Variants in NSD1 observed in about 807,000 individuals in gnomAD.
The protein encoded by NSD1 is histone-lysine N-methyltransferase, H3 lysine-36 specific.
NSD1 carries 26 observed loss-of-function variants against 242.7 expected under a neutral mutation model. The observed-to-expected ratio is 0.11, with a 90% CI of 0.08 to 0.15. NSD1 has a LOEUF of 0.15. Among genes scored for constraint, NSD1 ranks in the 10% least tolerant of loss-of-function variants. The pLI, the probability that NSD1 is intolerant of heterozygous loss-of-function variation, is 1.00. For missense variants in NSD1, 2,495 were observed against 3,272.8 expected (o/e 0.76, Z 5.80); for synonymous variants, 1,106 against 1,178.1 (o/e 0.94, Z 1.25).
rs1246415647 is a variant in NSD1, at chr5:177,269,846, C to G, written c.5509+39C>G. 2.6e-6 allele frequency: 4 copies of G among 1,527,960 alleles called. No homozygotes were observed. In the East Asian group the frequency reaches 9.0e-5, roughly 34 times the overall value. The allele number at this position is 1,527,960 out of a possible 1,614,324, so 94.7% of individuals were successfully genotyped here. ...TTTTGTTTCTCAGGCAAACACAGAC[C>G]TCTGTTACCTGAGTGTCTGATCTGT... On this transcript the variant is annotated intron_variant, in intron 16 of 22. Transcript: ENST00000439151. The surrounding 1 kb of genome is among the most constrained non-coding windows in gnomAD (Gnocchi z 5.1).
chr5:177,182,947 G>GT (rs201520603), intron 2 of NSD1, among the ~76,000 whole-genome samples: 2,792 of 151,932 alleles, frequency 0.018, 33 homozygotes, highest in Non-Finnish European at 0.028. Context: ...CTCTTTTTTT[G>GT]TTTTTTTAAG....
rs770697984 is a variant in NSD1, at chr5:177,294,482, C to T, written c.7114C>T (p.Pro2372Ser). ...ATCCATAGGTGCTGCCAGCCCAAGGCCCCAGTCACTGGAGAAAACCTCAGT... is the reference window on the plus strand; with the variant it reads ...ATCCATAGGTGCTGCCAGCCCAAGGTCCCAGTCACTGGAGAAAACCTCAGT... ...DKSIGAASPRPQSLEKTSVPT... is the reference protein window; with the variant it reads ...DKSIGAASPRSQSLEKTSVPT... Residue 2372 changes from proline (P) to serine (S), a missense_variant, in exon 23 of 23, where the codon CCC becomes TCC. Physicochemically the swap from Pro to Ser is moderately conservative, Grantham distance 74. Transcript: ENST00000439151. 2 of 1,614,200 alleles carry T rather than the reference C, an allele frequency of 1.2e-6. No individual in the cohort carries two copies. Among genetic ancestry groups the T allele is most frequent in the East Asian group, 2.2e-5 (1 of 44,880 alleles).
In NSD1 at chr5:177,218,074, C is replaced by T. The variant is rs55668812; in HGVS notation, c.3796+5879C>T. On this transcript the variant is annotated intron_variant, in intron 5 of 22. Transcript: ENST00000439151. ...ACTACAGCCATGCACCACCATACTCCGCTGATTTTTAACCTTTTTGTACAG... is the reference window on the plus strand; with the variant it reads ...ACTACAGCCATGCACCACCATACTCTGCTGATTTTTAACCTTTTTGTACAG... Among the ~76,000 whole-genome samples, 244 of 152,062 alleles carry T rather than the reference C, an allele frequency of 1.6e-3. 5 individuals are homozygous for T. Among genetic ancestry groups the T allele is most frequent in the Non-Finnish European group, 1.5e-3 (105 of 68,000 alleles).
At chr5:177,213,616 C>T (rs1763532383) in intron 5 of NSD1, among the ~76,000 whole-genome samples, 3 of 152,158 alleles carry the variant, frequency 2.0e-5, no homozygotes, top group South Asian at 2.1e-4. Flanking sequence ...TACAGGCGCC[C>T]GCCACCACAC....
At chr5:177,157,053 G>A (rs1225565276) in intron 2 of NSD1, among the ~76,000 whole-genome samples, 1 of 152,012 alleles carries the variant, frequency 6.6e-6, no homozygotes, top group Non-Finnish European at 1.5e-5. Context: ...ATAAATAAAT[G>A]TATACTAATT....
rs1205215715 is a variant in NSD1 at position 177,299,701 on chromosome 5, C to T, written c.*4242C>T. The T allele has an allele frequency of 1.3e-5, 3 of 233,314 alleles. No homozygotes were observed. The highest frequency in any genetic ancestry group is 6.6e-5 in the African/African-American group (3 of 45,470). The allele number at this position is 233,314 out of a possible 1,614,324, so 14.5% of individuals were successfully genotyped here. A position where few individuals can be genotyped will look rare whatever the true frequency, so the allele number is the denominator to read the frequency against. On this transcript the variant is annotated 3_prime_UTR_variant, in exon 23 of 23. Coordinates refer to ENST00000439151, the MANE Select transcript of NSD1 (RefSeq NM_022455.5). ...GTGGTTCCTTCTCTAGAGCTGCTTT[C>T]CCATGGCTTTCAAAACATCAGGTTA...
Position 177,191,870 on chromosome 5 carries a change from T to C in NSD1, c.928-14T>C, listed in dbSNP as rs752196837. ...TTGATTCTTATTGATGCCCCATGTT[T>C]TGTCTGTCTAAAGTGTCAACCTAAG... On this transcript the variant is annotated splice_polypyrimidine_tract_variant and intron_variant, in intron 2 of 22. Transcript: ENST00000439151. 1.9e-6 allele frequency: 3 copies of C among 1,613,792 alleles called. No homozygotes were observed. The highest frequency in any genetic ancestry group is 1.7e-5 in the Admixed American group (1 of 60,032).
rs2149755620 is a variant in NSD1, at chr5:177,135,332, G to C, written c.229G>C (p.Asp77His). 6.2e-7 allele frequency: 1 copy of C among 1,612,590 alleles called. No individual in the cohort carries two copies. The highest frequency in any genetic ancestry group is 8.5e-7 in the Non-Finnish European group (1 of 1,178,644). ...SCYIPLRRLQDLASMINVEYL... is the reference protein window; with the variant it reads ...SCYIPLRRLQHLASMINVEYL... ...TTACATTCCACTGCGGAGACTACAG[G>C]ATTTGGCCTCCATGATCAATGTAGA... Residue 77 changes from aspartate (D) to histidine (H), a missense_variant, in exon 2 of 23, where the codon GAT becomes CAT. Asp to His is a moderately conservative substitution (Grantham distance 81). Transcript: ENST00000439151.
chr5:177,207,819 T>C (rs1240125560), intron 4 of NSD1, among the ~76,000 whole-genome samples: 2 of 151,986 alleles, frequency 1.3e-5, no homozygotes, highest in Admixed American at 6.6e-5. Context: ...TTCGGCACAC[T>C]GCAACTTTCA....
chr5:177,291,934 G>A lies in NSD1; in HGVS notation c.6259-20G>A, dbSNP rs369478260. ...CTAATGTGTTCACAGAATGCTGACT[G>A]TTCAATATCTGACCTGTAGAATCAA... On this transcript the variant is annotated intron_variant, in intron 21 of 22. Coordinates refer to ENST00000439151, the MANE Select transcript of NSD1 (RefSeq NM_022455.5). 38 of 1,610,330 alleles carry A rather than the reference G, an allele frequency of 2.4e-5. No homozygotes were observed. The highest frequency in any genetic ancestry group is 2.9e-5 in the Non-Finnish European group (34 of 1,177,548).
Position 177,176,264 on chromosome 5 carries a change from C to CT in NSD1, c.928-15608dup, listed in dbSNP as rs112019724. Among the ~76,000 whole-genome samples the CT allele has an allele frequency of 2.8e-3, 401 of 143,212 alleles. 1 individual carries two copies. The highest frequency in any genetic ancestry group is 7.1e-3 in the African/African-American group (280 of 39,316). The allele number at this position is 143,212 out of a possible 152,430, so 94.0% of individuals were successfully genotyped here. A position where few individuals can be genotyped will look rare whatever the true frequency, so the allele number is the denominator to read the frequency against. On this transcript the variant is annotated intron_variant, in intron 2 of 22. Transcript: ENST00000439151. ...AGATCTAAATATTCGATTCTTCTTC[C>CT]TTTTTTTTTTTTGAGATGGAGTTTC...
At chr5:177,199,037 A>C (rs889419970) in intron 3 of NSD1, among the ~76,000 whole-genome samples, 1 of 152,242 alleles carries the variant, frequency 6.6e-6, no homozygotes, top group Non-Finnish European at 1.5e-5. Context: ...TCGACCTTAC[A>C]ATGGTGCGAA....
rs1763184620 is a variant in NSD1, at chr5:177,209,784, A to G, written c.1385A>G (p.Asn462Ser). 6.2e-7 allele frequency: 1 copy of G among 1,614,168 alleles called. No homozygotes were observed. The highest frequency in any genetic ancestry group is 1.7e-5 in the Admixed American group (1 of 60,002). The change falls in exon 5 of 23, where the codon AAT becomes AGT. Residue 462 changes from asparagine (N) to serine (S), a missense_variant. Physicochemically the swap from Asn to Ser is conservative, Grantham distance 46. Transcript: ENST00000439151. ...EEDMPFEDCTNDPESEHDLLL... is the reference protein window; with the variant it reads ...EEDMPFEDCTSDPESEHDLLL... The stretch of plus-strand genomic sequence containing the variant: ...GATATGCCATTTGAAGACTGCACAA[A>G]TGATCCTGAGTCAGAACATGACCTG...
chr5:177,187,851 C>G (rs893581970), intron 2 of NSD1, among the ~76,000 whole-genome samples: 1 of 152,160 alleles, frequency 6.6e-6, no homozygotes, highest in Non-Finnish European at 1.5e-5. Context: ...CAAATAAGAT[C>G]ACATTCACAG....
At chr5:177,237,773 T>C (rs907817428) in intron 6 of NSD1, among the ~76,000 whole-genome samples, 1 of 152,162 alleles carries the variant, frequency 6.6e-6, no homozygotes. Context: ...GACCTCGTGA[T>C]CTGCCTGCCT....
chr5:177,148,944 A>T (rs969646419), intron 2 of NSD1, among the ~76,000 whole-genome samples: 1 of 151,696 alleles, frequency 6.6e-6, no homozygotes, highest in African/African-American at 2.4e-5. Context: ...TCAGCCTCCC[A>T]AGTAGCTGGG....
At chr5:177,200,323 G>A (rs1049547748) in intron 3 of NSD1, among the ~76,000 whole-genome samples, 6 of 151,996 alleles carry the variant, frequency 3.9e-5, no homozygotes, top group Non-Finnish European at 4.4e-5. Context: ...TGGCCAGGCC[G>A]TTCTTGAACT....
At chr5:177,229,686 A>G in intron 5 of NSD1, 1 of 358,258 alleles carries the variant, frequency 2.8e-6, no homozygotes, top group Non-Finnish European at 5.4e-6. Context: ...GAGTTGGGGT[A>G]GTTGAGGCAA....
chr5:177,239,788 A>T lies in NSD1; in HGVS notation c.4225A>T (p.Thr1409Ser). 2 of 1,612,510 alleles carry T rather than the reference A, an allele frequency of 1.2e-6. No homozygotes were observed. Among genetic ancestry groups the T allele is most frequent in the Non-Finnish European group, 1.7e-6 (2 of 1,178,660 alleles). Reference protein sequence around the residue: ...NYESKRQRKPTKKLLESNDLD... With the variant: ...NYESKRQRKPSKKLLESNDLD... ...TGAAAGTAAACGTCAAAGAAAACCAACTAAGAAACTTCTTGAATCCAATGA... is the reference window on the plus strand; with the variant it reads ...TGAAAGTAAACGTCAAAGAAAACCATCTAAGAAACTTCTTGAATCCAATGA... Residue 1409 changes from threonine to serine, a missense_variant, in exon 8 of 23, where the codon ACT becomes TCT. Thr to Ser is a moderately conservative substitution (Grantham distance 58). Coordinates refer to ENST00000439151, the MANE Select transcript of NSD1 (RefSeq NM_022455.5).
Sources: allele counts gnomAD v4.1 joint callset (sites outside exome capture counted in the v4.1 genomes callset), GRCh38; gene constraint gnomAD v4.1.1; non-coding constraint Gnocchi (gnomAD v3.1); transcripts MANE v1.5; gene names NCBI Gene and HGNC (gene_info 2026-07-23, HGNC 2026-07-21).